The following EHHADH variants were observed in gnomAD, a reference collection of about 807,000 sequenced individuals.
EHHADH encodes the protein enoyl-CoA hydratase and 3-hydroxyacyl CoA dehydrogenase.
EHHADH carries 48 observed loss-of-function variants against 64.4 expected under a neutral mutation model. The observed-to-expected ratio is 0.75, with a 90% confidence interval of 0.59 to 0.95. The LOEUF (loss-of-function observed/expected upper bound fraction) is 0.95, where lower values mean the gene tolerates loss of function less well. Among genes scored for constraint, EHHADH ranks in the 40% least tolerant of loss-of-function variants. The probability of loss-of-function intolerance (pLI) is 0.00; values close to 1 mark genes in which losing one functional copy is unlikely to be tolerated. For synonymous variants in EHHADH, 308 were observed against 326.7 expected, an observed-to-expected ratio of 0.94 and a Z score of 0.62; for missense variants, 854 against 876.6, an observed-to-expected ratio of 0.97 and a Z score of 0.33.
chr3:185,219,205 T>C (rs1416419450), intron 4 of EHHADH, among the ~76,000 whole-genome samples: 1 of 152,230 alleles, frequency 6.6e-6, no homozygotes, highest in Non-Finnish European at 1.5e-5. Flanking sequence ...AGCTCCTCCC[T>C]TAGTTTGTGG....
intron 6 of EHHADH, among the ~76,000 whole-genome samples, chr3:185,194,878 A>G (rs916363223): frequency 1.0e-4 from 15 of 148,918 alleles, no homozygotes; most frequent in Non-Finnish European, 1.9e-4. Context: ...TTGCAAAAGG[A>G]TAGACATATA....
chr3:185,242,486 C>T (rs1363655736), intron 2 of EHHADH, among the ~76,000 whole-genome samples: 1 of 152,184 alleles, frequency 6.6e-6, no homozygotes, highest in Non-Finnish European at 1.5e-5. Context: ...ACCAATGGAA[C>T]AGAAGAGAGA....
Position 185,234,796 on chromosome 3 carries a change from T to C in EHHADH, c.351+494A>G, listed in dbSNP as rs142879647. ...AGTAGCAGGTGTTTACTTACCAGAA[T>C]GGAAGTGAAGTATTTGAACATTTTA... On this transcript the variant is annotated intron_variant, in intron 3 of 6. Transcript: ENST00000231887. 1.3e-3 allele frequency among the ~76,000 whole-genome samples: 198 copies of C among 152,358 alleles called. 1 individual carries two copies. The highest frequency in any genetic ancestry group is 5.2e-3 in the Admixed American group (79 of 15,304).
Position 185,197,020 on chromosome 3 carries a change from G to A in EHHADH, c.911-3533C>T, listed in dbSNP as rs572038992. 2.3e-3 allele frequency among the ~76,000 whole-genome samples: 346 copies of A among 149,984 alleles called. 3 individuals carry two copies. The highest frequency in any genetic ancestry group is 7.8e-3 in the African/African-American group (319 of 40,896). ...CCATCTTGAAGAAAAAAAAAAAAAAGCCAGACACAAAAGGCTACATATTGT... is the reference window on the plus strand; with the variant it reads ...CCATCTTGAAGAAAAAAAAAAAAAAACCAGACACAAAAGGCTACATATTGT... On this transcript the variant is annotated intron_variant, in intron 6 of 6. Coordinates refer to ENST00000231887, the MANE Select transcript of EHHADH (RefSeq NM_001966.4).
intron 5 of EHHADH, among the ~76,000 whole-genome samples, chr3:185,217,212 TAA>T (rs1463686231): frequency 5.9e-5 from 9 of 152,140 alleles, no homozygotes; most frequent in Admixed American, 2.0e-4. Context: ...CCCTTGGTGA[TAA>T]GAGAGCTTTC....
chr3:185,253,782 GA>G, intron 1 of EHHADH, 166 bp downstream of exon 1: 2 of 1,273,622 alleles, frequency 1.6e-6, no homozygotes, highest in Non-Finnish European at 2.0e-6. Flanking sequence ...AAAAAGAAAA[GA>G]AAAAGAAAGA....
chr3:185,196,215 A>G (rs1718057898), intron 6 of EHHADH, among the ~76,000 whole-genome samples: 1 of 151,690 alleles, frequency 6.6e-6, no homozygotes, highest in South Asian at 2.1e-4. Flanking sequence ...TTCCTGTATC[A>G]ATGTCACTTG....
chr3:185,240,528 T>C (rs1027887276), intron 2 of EHHADH, among the ~76,000 whole-genome samples: 4 of 152,020 alleles, frequency 2.6e-5, no homozygotes. Flanking sequence ...TTTATCCATT[T>C]TTTTTTTTAG....
intron 5 of EHHADH, among the ~76,000 whole-genome samples, chr3:185,215,492 C>A (rs183502304): frequency 6.6e-6 from 1 of 152,050 alleles, no homozygotes; most frequent in Non-Finnish European, 1.5e-5. Flanking sequence ...TGGTTGCCTG[C>A]GGCCAAGGGG....
At chr3:185,223,578 G>A (rs967636241) in intron 4 of EHHADH, among the ~76,000 whole-genome samples, 7 of 152,066 alleles carry the variant, frequency 4.6e-5, no homozygotes, top group African/African-American at 1.7e-4. Flanking sequence ...GAGCCTTGAG[G>A]TGCTAGTACT....
chr3:185,205,205 T>C (rs746056149), intron 5 of EHHADH, among the ~76,000 whole-genome samples: 14 of 152,120 alleles, frequency 9.2e-5, no homozygotes, highest in Non-Finnish European at 8.8e-5. Context: ...ATTGAGGGCA[T>C]ACATGTGCAG....
At position 185,216,609 on chromosome 3, in the gene EHHADH, G is replaced by A. The variant is rs1279791325; in HGVS notation, c.568+1527C>T. Among the ~76,000 whole-genome samples the A allele has an allele frequency of 3.3e-5, 5 of 152,108 alleles. No homozygotes were observed. The East Asian group carries it at 9.6e-4, about 29-fold the overall frequency. Reference sequence around the variant, plus strand: ...GGGTCTCCATTATTTTCTCCCCATCGTTCCTCCCCTCTCCAGTTCAAGCTT... The same window carrying A: ...GGGTCTCCATTATTTTCTCCCCATCATTCCTCCCCTCTCCAGTTCAAGCTT... On this transcript the variant is annotated intron_variant, in intron 5 of 6. Coordinates refer to ENST00000231887, the MANE Select transcript of EHHADH (RefSeq NM_001966.4). The surrounding 1 kb of genome is among the most constrained non-coding windows in gnomAD (Gnocchi z 5.3).
At chr3:185,235,551 A>G (rs1577372534) in intron 2 of EHHADH, 89 bp from the exon 3 acceptor site, 1 of 1,110,350 alleles carries the variant, frequency 9.0e-7, no homozygotes, top group East Asian at 2.9e-5. Flanking sequence ...TCTTTAAAAA[A>G]TTAATTTGTT....
intron 3 of EHHADH, 30 bp downstream of exon 3, chr3:185,235,260 C>A: frequency 6.4e-7 from 1 of 1,560,826 alleles, no homozygotes; most frequent in Admixed American, 2.0e-5. Context: ...GCCCCACACA[C>A]CAGCCACTAT....
chr3:185,239,781 T>G (rs546143287), intron 2 of EHHADH, among the ~76,000 whole-genome samples: 3 of 152,316 alleles, frequency 2.0e-5, no homozygotes, highest in Non-Finnish European at 2.9e-5. Flanking sequence ...TTCTTTCTGT[T>G]GCCTGATTGC....
At chr3:185,239,844 C>T (rs1367872805) in intron 2 of EHHADH, among the ~76,000 whole-genome samples, 2 of 152,060 alleles carry the variant, frequency 1.3e-5, no homozygotes, top group Admixed American at 6.6e-5. Context: ...GAGTGGGCAT[C>T]CTTGTCTTGT....
chr3:185,193,616 A>AGTGTTTGT, intron 6 of EHHADH, 129 bp from the exon 7 acceptor site: 1 of 1,056,626 alleles, frequency 9.5e-7, no homozygotes, highest in Non-Finnish European at 1.3e-6. Context: ...ACACAAATGG[A>AGTGTTTGT]TTGAGTACTA....
Position 185,245,359 on chromosome 3 carries a change from C to T in EHHADH, c.178+3055G>A, listed in dbSNP as rs1719567455. ...AGCCACTAGCCAAAGAACTTGGCAG[C>T]TTTTTTATCTTGCTTTTAATACAAT... On this transcript the variant is annotated intron_variant, in intron 2 of 6. Coordinates refer to ENST00000231887, the MANE Select transcript of EHHADH (RefSeq NM_001966.4). 5 of 399,232 alleles carry T rather than the reference C, an allele frequency of 1.3e-5. No individual in the cohort carries two copies. The South Asian group carries it at 2.7e-4, about 21-fold the overall frequency. 24.7% of individuals were successfully genotyped at this position (399,232 alleles called of 1,614,324 possible).
At position 185,246,146 on chromosome 3, in the gene EHHADH, G is replaced by A. The variant is rs1006585871; in HGVS notation, c.178+2268C>T. ...TCTTGAACATCACTTTCAATCTTAA[G>A]ATCCTTTACAACTTCTTCAGCTTCA... On this transcript the variant is annotated intron_variant, in intron 2 of 6. Coordinates refer to ENST00000231887, the MANE Select transcript of EHHADH (RefSeq NM_001966.4). The A allele has an allele frequency of 5.3e-5, 62 of 1,167,070 alleles. 1 individual carries two copies. The highest frequency in any genetic ancestry group is 7.0e-5 in the East Asian group (3 of 42,802). The allele number at this position is 1,167,070 out of a possible 1,614,324, so 72.3% of individuals were successfully genotyped here.
Sources: gnomAD v4.1 joint callset for allele counts (sites outside exome capture counted in the v4.1 genomes callset) on GRCh38, gnomAD v4.1.1 for gene constraint, Gnocchi (gnomAD v3.1) non-coding constraint, MANE v1.5 for transcripts, NCBI Gene and HGNC (gene_info 2026-07-23, HGNC 2026-07-21) for gene names.